NIPBL: variants seen among roughly 807,000 people sequenced by gnomAD.
NIPBL encodes nipped-B-like protein.
Under a neutral mutation model 321.8 loss-of-function variants are expected in NIPBL, and 19 were observed. The ratio of observed to expected loss-of-function variants is 0.06; its 90% CI spans 0.04 to 0.09. The LOEUF (loss-of-function observed/expected upper bound fraction) is 0.09, where lower values mean the gene tolerates loss of function less well. NIPBL is among the 10% of genes least tolerant of loss of function. NIPBL has a pLI of 1.00. For missense variants in NIPBL, 2,210 were observed against 3,327.0 expected, an observed-to-expected ratio of 0.66 and a Z score of 8.26; for synonymous variants, 1,106 against 1,114.1, an observed-to-expected ratio of 0.99 and a Z score of 0.14.
Position 37,060,912 on chromosome 5 carries a change from G to C in NIPBL, c.7754G>C (p.Gly2585Ala). 6.2e-7 allele frequency: 1 copy of C among 1,613,990 alleles called. No individual in the cohort carries two copies. The highest frequency in any genetic ancestry group is 1.1e-5 in the South Asian group (1 of 91,076). ...VYDKAINRKT[G>A]VHFHPKQTLD... ...GATAAAGCGATAAACCGAAAAACAG[G>C]AGTTCATTTTCATCCAAAACAAACA... is the stretch of plus-strand genomic sequence containing the variant. The change falls in exon 45 of 47, where the codon GGA (glycine) becomes GCA (alanine). Residue 2585 changes from glycine (G) to alanine (A), a missense_variant. By Grantham distance (60) the Gly-to-Ala change is moderately conservative (BLOSUM62 0). Transcript: ENST00000282516.
At chr5:36,895,514 A>T (rs907158420) in intron 1 of NIPBL, among the ~76,000 whole-genome samples, 1 of 152,174 alleles carries the variant, frequency 6.6e-6, no homozygotes, top group South Asian at 2.1e-4. Flanking sequence ...TGTGGTAACT[A>T]TGTTTAACTC....
chr5:37,045,647 C>T, intron 37 of NIPBL, 50 bp downstream of exon 37: 1 of 1,563,616 alleles, frequency 6.4e-7, no homozygotes, highest in Non-Finnish European at 8.8e-7. Context: ...CTATATGGCA[C>T]TGTGATCTGA....
At chr5:37,058,152 C>G (rs1032349019) in intron 43 of NIPBL, among the ~76,000 whole-genome samples, 4 of 152,216 alleles carry the variant, frequency 2.6e-5, no homozygotes, top group Admixed American at 2.6e-4. Context: ...TGTAGAACCT[C>G]AGGCCCCACC....
chr5:36,880,767 T>C (rs1467572989), intron 1 of NIPBL, among the ~76,000 whole-genome samples: 1 of 152,048 alleles, frequency 6.6e-6, no homozygotes, highest in East Asian at 1.9e-4. Flanking sequence ...ATAATAATTC[T>C]TCGTATTTTA....
intron 1 of NIPBL, among the ~76,000 whole-genome samples, chr5:36,923,655 G>A (rs529511814): frequency 6.6e-6 from 1 of 152,054 alleles, no homozygotes; most frequent in Non-Finnish European, 1.5e-5. Flanking sequence ...ATCTTTTTCT[G>A]CAGTCACAGA....
At chr5:36,896,694 G>T (rs975138098) in intron 1 of NIPBL, among the ~76,000 whole-genome samples, 8 of 152,178 alleles carry the variant, frequency 5.3e-5, no homozygotes, top group African/African-American at 1.9e-4. Context: ...CCGCCTCCCT[G>T]GTTCAAGTGA....
At chr5:36,882,662 T>A (rs192229474) in intron 1 of NIPBL, among the ~76,000 whole-genome samples, 1 of 152,112 alleles carries the variant, frequency 6.6e-6, no homozygotes, top group Admixed American at 6.5e-5. Context: ...ACCTAGCAAG[T>A]GTTAGAAGTA....
At chr5:36,965,757 G>A (rs991704862) in intron 6 of NIPBL, among the ~76,000 whole-genome samples, 2 of 152,024 alleles carry the variant, frequency 1.3e-5, no homozygotes, top group African/African-American at 4.8e-5. Flanking sequence ...TTATATGAAT[G>A]TATTTATCAC....
chr5:37,025,001 G>A (rs572845234), intron 30 of NIPBL, among the ~76,000 whole-genome samples: 20 of 152,288 alleles, frequency 1.3e-4, no homozygotes, highest in Non-Finnish European at 2.6e-4. Context: ...GGAGGCCAAG[G>A]CAGGAGAATG....
At chr5:37,033,685 TAC>T (rs372949399) in intron 32 of NIPBL, among the ~76,000 whole-genome samples, 25 of 65,034 alleles carry the variant, frequency 3.8e-4, no homozygotes, top group African/African-American at 1.3e-3. Flanking sequence ...TATATGTACA[TAC>T]ACACACACAC....
chr5:37,053,603 T>C (rs1205247099), intron 42 of NIPBL, among the ~76,000 whole-genome samples: 2 of 152,334 alleles, frequency 1.3e-5, no homozygotes, highest in Non-Finnish European at 2.9e-5. Flanking sequence ...TTTTGGACTA[T>C]GGTTGACCAA....
At chr5:36,933,803 C>A (rs757566908) in intron 1 of NIPBL, among the ~76,000 whole-genome samples, 2 of 151,830 alleles carry the variant, frequency 1.3e-5, no homozygotes, top group East Asian at 3.9e-4. Flanking sequence ...TAAAAAGTTA[C>A]TCATATTGCT....
intron 42 of NIPBL, 84 bp from the exon 43 acceptor site, chr5:37,057,102 C>T: frequency 7.3e-7 from 1 of 1,363,278 alleles, no homozygotes; most frequent in Non-Finnish European, 1.0e-6. Flanking sequence ...GGTGAAAGTG[C>T]CCTGTATTTT....
chr5:37,058,602 A>G (rs1286276139), intron 43 of NIPBL, among the ~76,000 whole-genome samples: 1 of 152,214 alleles, frequency 6.6e-6, no homozygotes, highest in Non-Finnish European at 1.5e-5. Flanking sequence ...TGATACTTTT[A>G]TAACTATCTT....
chr5:37,042,063 G>T (rs1752445628), intron 34 of NIPBL, among the ~76,000 whole-genome samples: 1 of 152,112 alleles, frequency 6.6e-6, no homozygotes, highest in Non-Finnish European at 1.5e-5. Context: ...TATGATGTGG[G>T]AATTTCTTTT....
chr5:36,909,194 C>CA (rs1747863892), intron 1 of NIPBL, among the ~76,000 whole-genome samples: 2 of 152,274 alleles, frequency 1.3e-5, no homozygotes, highest in South Asian at 4.1e-4. Flanking sequence ...GAAACACCCT[C>CA]ACAGTTTTCA....
chr5:37,050,490 A>AG (rs1753420303), intron 40 of NIPBL, among the ~76,000 whole-genome samples: 1 of 151,976 alleles, frequency 6.6e-6, no homozygotes, highest in South Asian at 2.1e-4. Context: ...AAAAAAAAAA[A>AG]AAAAAAAATT....
chr5:37,036,565 T>A (rs1285807308), intron 33 of NIPBL, 78 bp downstream of exon 33: 1 of 530,060 alleles, frequency 1.9e-6, no homozygotes, highest in African/African-American at 2.0e-5. Flanking sequence ...AATTTCTCAT[T>A]TTTGCCTCTG....
chr5:36,969,026 A>C (rs1006639419), intron 6 of NIPBL, among the ~76,000 whole-genome samples: 14 of 152,230 alleles, frequency 9.2e-5, no homozygotes, highest in African/African-American at 2.9e-4. Flanking sequence ...ATATACAGAA[A>C]TAAGCAGTTA....
Sources: allele counts gnomAD v4.1 joint callset (sites outside exome capture counted in the v4.1 genomes callset), GRCh38; gene constraint gnomAD v4.1.1; transcripts MANE v1.5; gene names NCBI Gene and HGNC (gene_info 2026-07-23, HGNC 2026-07-21).